Variants in ROBO1 observed in about 807,000 individuals in gnomAD.
ROBO1 encodes the protein roundabout homolog 1.
Under a neutral mutation model 195.9 loss-of-function variants are expected in ROBO1, and 149 were observed. The ratio of observed to expected loss-of-function variants is 0.76; its 90% CI spans 0.67 to 0.87. The LOEUF (loss-of-function observed/expected upper bound fraction) is 0.87, where lower values mean the gene tolerates loss of function less well. Among genes scored for constraint, ROBO1 ranks in the 40% least tolerant of loss-of-function variants. The probability of loss-of-function intolerance (pLI) is 0.00; values close to 1 mark genes in which losing one functional copy is unlikely to be tolerated. For missense variants in ROBO1, 1,933 were observed against 2,068.3 expected (o/e 0.93, Z 1.27); for synonymous variants, 816 against 733.2 (o/e 1.11, Z -1.82).
chr3:79,289,493 T>C (rs942951308), intron 2 of ROBO1, among the ~76,000 whole-genome samples: 1 of 152,202 alleles, frequency 6.6e-6, no homozygotes, highest in Non-Finnish European at 1.5e-5. Flanking sequence ...TATTTTCCTT[T>C]AGGTGAAATG....
intron 3 of ROBO1, among the ~76,000 whole-genome samples, chr3:79,029,098 T>C (rs910262649): frequency 2.6e-5 from 4 of 152,070 alleles, no homozygotes; most frequent in Non-Finnish European, 5.9e-5. Context: ...CATACATAAA[T>C]ATACTAGTCT....
intron 1 of ROBO1, among the ~76,000 whole-genome samples, chr3:79,629,855 G>A (rs1295512428): frequency 6.6e-6 from 1 of 151,940 alleles, no homozygotes; most frequent in African/African-American, 2.4e-5. Context: ...AGGCTACTAT[G>A]AGCATCTCTA....
intron 2 of ROBO1, among the ~76,000 whole-genome samples, chr3:79,558,366 G>A (rs930816764): frequency 5.3e-5 from 8 of 151,978 alleles, no homozygotes; most frequent in Non-Finnish European, 8.8e-5. Flanking sequence ...TTTTTCTTAC[G>A]ACATTCTTAA....
intron 2 of ROBO1, among the ~76,000 whole-genome samples, chr3:79,196,359 C>T (rs2081635741): frequency 6.9e-6 from 1 of 144,530 alleles, no homozygotes; most frequent in South Asian, 2.2e-4. Flanking sequence ...TAATCCATCA[C>T]ACACACATGC....
chr3:78,801,499 T>C (rs1449954957), intron 4 of ROBO1, among the ~76,000 whole-genome samples: 1 of 152,062 alleles, frequency 6.6e-6, no homozygotes, highest in Admixed American at 6.6e-5. Flanking sequence ...ATCCTAATTC[T>C]GCCACTAAAA....
At chr3:78,696,195 T>C (rs2081285880) in intron 8 of ROBO1, among the ~76,000 whole-genome samples, 1 of 151,654 alleles carries the variant, frequency 6.6e-6, no homozygotes, top group Non-Finnish European at 1.5e-5. Flanking sequence ...ATTCGACATT[T>C]ATGGGAGGCT....
chr3:78,746,466 A>C (rs1369417599), intron 5 of ROBO1, among the ~76,000 whole-genome samples: 1 of 152,190 alleles, frequency 6.6e-6, no homozygotes, highest in African/African-American at 2.4e-5. Flanking sequence ...AGTTACGACA[A>C]TAATTAAGTC....
intron 4 of ROBO1, among the ~76,000 whole-genome samples, chr3:78,755,958 T>C (rs1386488528): frequency 6.6e-6 from 1 of 152,174 alleles, no homozygotes; most frequent in African/African-American, 2.4e-5. Context: ...ACTGATAATA[T>C]TCATTGATCA....
intron 21 of ROBO1, among the ~76,000 whole-genome samples, chr3:78,645,252 C>G (rs138320844): frequency 6.6e-6 from 1 of 151,860 alleles, no homozygotes; most frequent in African/African-American, 2.4e-5. Flanking sequence ...ATACTAAATT[C>G]AGTAATTTTC....
At chr3:79,097,583 C>A (rs767401318) in intron 3 of ROBO1, among the ~76,000 whole-genome samples, 1 of 151,704 alleles carries the variant, frequency 6.6e-6, no homozygotes, top group Non-Finnish European at 1.5e-5. Flanking sequence ...GGCTTTATGT[C>A]AAGTCAGTTC....
At chr3:79,426,566 C>T (rs950682517) in intron 2 of ROBO1, among the ~76,000 whole-genome samples, 1 of 152,032 alleles carries the variant, frequency 6.6e-6, no homozygotes, top group Non-Finnish European at 1.5e-5. Context: ...ATGGGTTTCA[C>T]CATGTTGGCC....
At chr3:78,787,482 C>A (rs1031793648) in intron 4 of ROBO1, among the ~76,000 whole-genome samples, 3 of 152,116 alleles carry the variant, frequency 2.0e-5, no homozygotes, top group Non-Finnish European at 4.4e-5. Flanking sequence ...ATGAGTTCAT[C>A]CAGGGTACAT....
At chr3:79,569,126 G>GCGCGTGCACACGCGCACACA (rs1553766450) in intron 2 of ROBO1, among the ~76,000 whole-genome samples, 205 of 149,708 alleles carry the variant, frequency 1.4e-3, no homozygotes, top group African/African-American at 4.7e-3. Flanking sequence ...GTGCACACGC[G>GCGCGTGCACACGCGCACACA]CACACACACA....
chr3:79,569,303 A>T (rs2107739790), intron 2 of ROBO1, among the ~76,000 whole-genome samples: 1 of 152,366 alleles, frequency 6.6e-6, no homozygotes, highest in Non-Finnish European at 1.5e-5. Context: ...TCAAGCTAAC[A>T]AATATAAAAA....
intron 5 of ROBO1, among the ~76,000 whole-genome samples, chr3:78,729,042 T>C (rs1163554137): frequency 1.3e-5 from 2 of 152,232 alleles, no homozygotes; most frequent in East Asian, 1.9e-4. Context: ...TTTGCACAGC[T>C]TGGTGAGCTG....
intron 1 of ROBO1, among the ~76,000 whole-genome samples, chr3:79,661,312 T>TCCC (rs1946322297): frequency 6.6e-6 from 1 of 152,070 alleles, no homozygotes; most frequent in African/African-American, 2.4e-5. Flanking sequence ...CCCCAGGTGT[T>TCCC]CAAAAATACA....
rs188204035 is a variant in ROBO1 at position 79,439,307 on chromosome 3, T to A, written c.88+150517A>T. 5.9e-5 allele frequency among the ~76,000 whole-genome samples: 9 copies of A among 152,210 alleles called. No individual in the cohort carries two copies. The East Asian group carries it at 1.7e-3, about 29-fold the overall frequency. On this transcript the variant is annotated intron_variant, in intron 2 of 30. Coordinates refer to ENST00000464233, the MANE Select transcript of ROBO1 (RefSeq NM_002941.4). ...GCCAATGAGGATGTATACAACAATC[T>A]TTTCCCTCAATTTTAGGGGAAAAAT...
At chr3:78,769,254 G>A (rs2108414220) in intron 4 of ROBO1, among the ~76,000 whole-genome samples, 1 of 152,262 alleles carries the variant, frequency 6.6e-6, no homozygotes, top group South Asian at 2.1e-4. Flanking sequence ...AGTGTTAGGT[G>A]CATACATGTT....
chr3:78,643,957 G>A (rs986311112), intron 21 of ROBO1, among the ~76,000 whole-genome samples: 3 of 152,038 alleles, frequency 2.0e-5, no homozygotes, highest in Non-Finnish European at 4.4e-5. Flanking sequence ...TGGCTGGAAG[G>A]TTTTGGCTTT....
Sources: gnomAD v4.1 joint callset for allele counts (sites outside exome capture counted in the v4.1 genomes callset) on GRCh38, gnomAD v4.1.1 for gene constraint, MANE v1.5 for transcripts, NCBI Gene and HGNC (gene_info 2026-07-23, HGNC 2026-07-21) for gene names.